Variants in BZW2 observed in about 807,000 individuals in gnomAD.
BZW2 encodes the protein basic leucine zipper and W2 domains 2.
A neutral mutation model predicts 53.2 loss-of-function variants in BZW2; 23 were observed. The ratio of observed to expected loss-of-function variants is 0.43; its 90% CI spans 0.31 to 0.61. BZW2 has a LOEUF of 0.61. Among genes scored for constraint, BZW2 ranks in the 20% least tolerant of loss-of-function variants. The pLI, the probability that BZW2 is intolerant of heterozygous loss-of-function variation, is 0.09. For missense variants in BZW2, 409 were observed against 503.1 expected (o/e 0.81, Z 1.79); for synonymous variants, 227 against 186.4 (o/e 1.22, Z -1.77).
Position 16,697,055 on chromosome 7 carries a change from C to T in BZW2, c.963C>T (p.His321=). ...EELVAEQALK[H]LKQYAPLLAV... is the part of the protein sequence containing the mutation. ...TTGTTGCAGAGCAGGCTCTGAAGCA[C>T]CTGAAGGTAACAGCCCTTAGCAAGG... is the stretch of plus-strand genomic sequence containing the variant. Residue 321 remains histidine (H), a synonymous_variant, in exon 9 of 12, where the codon CAC becomes CAT. Transcript: ENST00000258761. 1 of 1,613,862 alleles carries T rather than the reference C, an allele frequency of 6.2e-7. No individual in the cohort carries two copies. The highest frequency in any genetic ancestry group is 8.5e-7 in the Non-Finnish European group (1 of 1,179,898).
chr7:16,657,966 C>T (rs766136614), intron 1 of BZW2, among the ~76,000 whole-genome samples: 32 of 152,234 alleles, frequency 2.1e-4, no homozygotes, highest in Non-Finnish European at 4.0e-4. Context: ...ATTTGAGGGA[C>T]GGGTTTTCTA....
intron 1 of BZW2, among the ~76,000 whole-genome samples, chr7:16,652,767 C>T (rs1470077229): frequency 1.3e-5 from 2 of 152,186 alleles, no homozygotes; most frequent in Admixed American, 6.5e-5. Flanking sequence ...TCAGGTGATT[C>T]GCCCGCCTTG....
chr7:16,695,121 T>C, intron 8 of BZW2, 117 bp downstream of exon 8: 1 of 916,250 alleles, frequency 1.1e-6, no homozygotes. Flanking sequence ...GTAAACTTTG[T>C]CCACTTATTC....
intron 1 of BZW2, chr7:16,662,361 G>C (rs767603453): frequency 2.6e-5 from 4 of 152,094 alleles, no homozygotes; most frequent in Non-Finnish European, 1.5e-5. Context: ...AATGTATCGA[G>C]GGTATGAAAA....
intron 8 of BZW2, among the ~76,000 whole-genome samples, chr7:16,695,570 A>G (rs539860480): frequency 1.3e-5 from 2 of 152,368 alleles, no homozygotes; most frequent in South Asian, 4.1e-4. Context: ...ATACGCATAT[A>G]CATAGTTTAT....
Position 16,674,516 on chromosome 7 carries a change from A to T in BZW2, c.163A>T (p.Thr55Ser). Residue 55 changes from threonine to serine, a missense_variant, in exon 3 of 12, where the codon ACA (threonine) becomes TCA (serine). Thr to Ser is a moderately conservative substitution (Grantham distance 58, BLOSUM62 1). Coordinates refer to ENST00000258761, the MANE Select transcript of BZW2 (RefSeq NM_014038.3). ...LEAVAKFLDS[T>S]GSRLDYRRYA... ...AGCTGTAGCCAAATTTCTGGACTCTACAGGCTCAAGATTAGATTATCGTCG... is the reference window on the plus strand; with the variant it reads ...AGCTGTAGCCAAATTTCTGGACTCTTCAGGCTCAAGATTAGATTATCGTCG... 6.2e-7 allele frequency: 1 copy of T among 1,613,106 alleles called. No individual in the cohort carries two copies. Among genetic ancestry groups the T allele is most frequent in the East Asian group, 2.2e-5 (1 of 44,860 alleles).
At chr7:16,692,696 G>A (rs775485409) in intron 7 of BZW2, among the ~76,000 whole-genome samples, 5 of 152,144 alleles carry the variant, frequency 3.3e-5, no homozygotes, top group African/African-American at 9.7e-5. Context: ...CCCGGGAGGT[G>A]GAGGCTGCAG....
chr7:16,680,543 G>A (rs532697524), intron 3 of BZW2, among the ~76,000 whole-genome samples: 7 of 152,276 alleles, frequency 4.6e-5, no homozygotes, highest in Admixed American at 6.5e-5. Flanking sequence ...AGTGGCTTAC[G>A]TCTGTAATCC....
chr7:16,656,553 G>A (rs565496442), intron 1 of BZW2, among the ~76,000 whole-genome samples: 1,825 of 119,902 alleles, frequency 0.015, 32 homozygotes, highest in Admixed American at 0.056. Flanking sequence ...CAGCGCGCGC[G>A]CGCACACACA....
chr7:16,658,479 A>G (rs979817124), intron 1 of BZW2, among the ~76,000 whole-genome samples: 2 of 152,212 alleles, frequency 1.3e-5, no homozygotes, highest in Non-Finnish European at 2.9e-5. Flanking sequence ...GTATTATAAT[A>G]AAATGAAAAC....
chr7:16,671,509 G>A (rs1039373158), intron 2 of BZW2, among the ~76,000 whole-genome samples: 5 of 152,088 alleles, frequency 3.3e-5, no homozygotes, highest in African/African-American at 1.2e-4. Flanking sequence ...ATCCACAAGA[G>A]TACTATTGCC....
intron 6 of BZW2, among the ~76,000 whole-genome samples, chr7:16,688,958 G>T (rs557595209): frequency 2.0e-5 from 3 of 152,228 alleles, no homozygotes; most frequent in Non-Finnish European, 4.4e-5. Flanking sequence ...GCGTGCAATG[G>T]CTCATGCCTG....
At chr7:16,666,374 G>C (rs1279412780) in intron 2 of BZW2, among the ~76,000 whole-genome samples, 1 of 129,758 alleles carries the variant, frequency 7.7e-6, no homozygotes, top group Non-Finnish European at 1.7e-5. Flanking sequence ...ACTGCACCTG[G>C]CCTGTATAAA....
chr7:16,676,682 T>C (rs540762256), intron 3 of BZW2, among the ~76,000 whole-genome samples: 1 of 152,342 alleles, frequency 6.6e-6, no homozygotes, highest in African/African-American at 2.4e-5. Flanking sequence ...GAGTTGAATA[T>C]TTCCTAATAT....
At chr7:16,663,593 T>G (rs547954178) in intron 1 of BZW2, among the ~76,000 whole-genome samples, 1 of 152,216 alleles carries the variant, frequency 6.6e-6, no homozygotes, top group Non-Finnish European at 1.5e-5. Flanking sequence ...TTCATGTTCT[T>G]AAGGATTTTT....
chr7:16,700,950 TC>T (rs1783648913), intron 10 of BZW2: 1 of 152,056 alleles, frequency 6.6e-6, no homozygotes, highest in South Asian at 2.1e-4. Flanking sequence ...CACACACACC[TC>T]CCCTTTCCCA....
intron 9 of BZW2, among the ~76,000 whole-genome samples, chr7:16,697,575 TTGAG>T (rs1783539214): frequency 6.6e-6 from 1 of 152,204 alleles, no homozygotes; most frequent in Non-Finnish European, 1.5e-5. Context: ...AAGTATTGAA[TTGAG>T]TAAGTCTCAG....
chr7:16,705,457 G>A (rs548992726), intron 11 of BZW2, among the ~76,000 whole-genome samples: 90 of 152,196 alleles, frequency 5.9e-4, no homozygotes, highest in African/African-American at 1.7e-3. Flanking sequence ...AGGCCAAGGC[G>A]GGCAGATCAT....
In BZW2 at chr7:16,674,368, T is replaced by C. The variant is rs1245967767; in HGVS notation, c.59-44T>C. ...AGTTTTGATTGTTATACTCTCAGTATTTATTTATTTATTTGACTGTTATTT... is the reference window on the plus strand; with the variant it reads ...AGTTTTGATTGTTATACTCTCAGTACTTATTTATTTATTTGACTGTTATTT... On this transcript the variant is annotated intron_variant, in intron 2 of 11. Transcript: ENST00000258761. 5.8e-6 allele frequency: 8 copies of C among 1,367,912 alleles called. No homozygotes were observed. In the Admixed American group the frequency reaches 8.5e-5, roughly 15 times the overall value. 84.7% of individuals were successfully genotyped at this position (1,367,912 alleles called of 1,614,324 possible).
Sources: gnomAD v4.1 joint callset for allele counts (sites outside exome capture counted in the v4.1 genomes callset) on GRCh38, gnomAD v4.1.1 for gene constraint, MANE v1.5 for transcripts, NCBI Gene and HGNC (gene_info 2026-07-23, HGNC 2026-07-21) for gene names.